Variants in FMN1 observed in about 807,000 individuals in gnomAD.
The protein encoded by FMN1 is formin-1.
Under a neutral mutation model 132.4 loss-of-function variants are expected in FMN1, and 110 were observed. The observed-to-expected ratio is 0.83, with a 90% CI of 0.71 to 0.97. The LOEUF (loss-of-function observed/expected upper bound fraction) is 0.97, where lower values mean the gene tolerates loss of function less well. Among genes scored for constraint, FMN1 ranks in the 50% least tolerant of loss-of-function variants. FMN1 has a pLI of 0.00. For missense variants in FMN1, 1,792 were observed against 1,705.3 expected, an observed-to-expected ratio of 1.05 and a Z score of -0.90; for synonymous variants, 722 against 651.7, an observed-to-expected ratio of 1.11 and a Z score of -1.64.
chr15:33,155,673 A>AT (rs1233713552), intron 3 of FMN1, among the ~76,000 whole-genome samples: 1 of 152,090 alleles, frequency 6.6e-6, no homozygotes, highest in African/African-American at 2.4e-5. Flanking sequence ...TTTTTTATTT[A>AT]TTTTTTGTTG....
At chr15:33,067,538 A>C (rs868335081) in intron 5 of FMN1, 1 of 1,613,926 alleles carries the variant, frequency 6.2e-7, no homozygotes, top group African/African-American at 1.3e-5. Context: ...TTGAGCAAGG[A>C]GAGATGTCCC....
rs918548823 is a variant in FMN1, at chr15:32,879,391, G to A, written c.3835+8781C>T. ...GACAAATGGGCTGTGAAGGAGGAAA[G>A]AGCTAATAAATTAGACATGGTCAAT... On this transcript the variant is annotated intron_variant, in intron 16 of 20. Transcript: ENST00000616417. 2.6e-5 allele frequency among the ~76,000 whole-genome samples: 4 copies of A among 152,286 alleles called. No homozygotes were observed. In the South Asian group the frequency reaches 8.3e-4, roughly 32 times the overall value.
intron 17 of FMN1, among the ~76,000 whole-genome samples, chr15:32,807,735 G>T (rs1395550680): frequency 1.3e-5 from 2 of 152,176 alleles, no homozygotes; most frequent in Non-Finnish European, 2.9e-5. Flanking sequence ...GAGTCTAAAT[G>T]TAAAAAGAGG....
intron 4 of FMN1, among the ~76,000 whole-genome samples, chr15:33,114,730 TCAC>T (rs201761816): frequency 0.016 from 2,405 of 152,212 alleles, 36 homozygotes; most frequent in Non-Finnish European, 0.025. Flanking sequence ...ATATTTCTCA[TCAC>T]CTGACAGGTA....
chr15:32,888,067 C>G (rs2059936441), intron 16 of FMN1, 105 bp downstream of exon 16: 7 of 970,792 alleles, frequency 7.2e-6, no homozygotes, highest in Non-Finnish European at 8.8e-6. Context: ...CATTGCTGAA[C>G]TCTGCACCAA....
chr15:32,933,829 C>G lies in FMN1; in HGVS notation c.3139-7568G>C, dbSNP rs529317193. 1.2e-3 allele frequency among the ~76,000 whole-genome samples: 178 copies of G among 152,166 alleles called. 1 individual carries two copies. Among genetic ancestry groups the G allele is most frequent in the African/African-American group, 4.1e-3 (170 of 41,498 alleles). Reference sequence around the variant, plus strand: ...AGTTGTTGGTTTTTTTAAATTAACTCTTGGAATATCTTTTTCCATCCCTTT... The same window carrying G: ...AGTTGTTGGTTTTTTTAAATTAACTGTTGGAATATCTTTTTCCATCCCTTT... On this transcript the variant is annotated intron_variant, in intron 9 of 20. Coordinates refer to ENST00000616417, the MANE Select transcript of FMN1 (RefSeq NM_001277313.2).
intron 17 of FMN1, among the ~76,000 whole-genome samples, chr15:32,852,560 T>C (rs2059032165): frequency 6.6e-6 from 1 of 152,132 alleles, no homozygotes. Context: ...AGAGATGGGG[T>C]CTCACTTTGT....
chr15:33,066,646 G>T (rs751585877), intron 5 of FMN1: 3 of 1,613,724 alleles, frequency 1.9e-6, no homozygotes, highest in Non-Finnish European at 1.7e-6. Context: ...TCCCCTTTCT[G>T]GGGGGCCGGA....
chr15:32,975,041 A>G (rs2032092651), intron 7 of FMN1, among the ~76,000 whole-genome samples: 1 of 152,178 alleles, frequency 6.6e-6, no homozygotes, highest in African/African-American at 2.4e-5. Flanking sequence ...ACCAACACTC[A>G]TATCTTCACT....
At chr15:32,830,616 A>C (rs536837806) in intron 17 of FMN1, among the ~76,000 whole-genome samples, 1 of 152,350 alleles carries the variant, frequency 6.6e-6, no homozygotes, top group African/African-American at 2.4e-5. Flanking sequence ...TGTGAAATAG[A>C]CATCTTCCCT....
intron 5 of FMN1, among the ~76,000 whole-genome samples, chr15:33,080,115 C>T (rs1373718276): frequency 6.6e-6 from 1 of 152,198 alleles, no homozygotes; most frequent in African/African-American, 2.4e-5. Flanking sequence ...GTCACATTGT[C>T]ACGAATATCC....
At chr15:32,812,585 G>A (rs2057919111) in intron 17 of FMN1, among the ~76,000 whole-genome samples, 1 of 152,182 alleles carries the variant, frequency 6.6e-6, no homozygotes. Context: ...GGCCGAGACC[G>A]TCACATAAAG....
intron 17 of FMN1, among the ~76,000 whole-genome samples, chr15:32,815,899 T>C (rs1254828676): frequency 6.6e-6 from 1 of 152,208 alleles, no homozygotes; most frequent in African/African-American, 2.4e-5. Context: ...TCCATTACTT[T>C]CTAACTATTG....
intron 4 of FMN1, among the ~76,000 whole-genome samples, chr15:33,101,888 C>T (rs2039307436): frequency 6.6e-6 from 1 of 152,126 alleles, no homozygotes; most frequent in Non-Finnish European, 1.5e-5. Context: ...GGTATCCCGG[C>T]TTCCAGCTGT....
intron 4 of FMN1, among the ~76,000 whole-genome samples, chr15:33,129,774 G>A (rs905813952): frequency 6.7e-6 from 1 of 149,070 alleles, no homozygotes; most frequent in Admixed American, 6.7e-5. Context: ...GACCAGAAAA[G>A]AGTTGACTAG....
At chr15:32,933,454 G>A (rs544041514) in intron 9 of FMN1, among the ~76,000 whole-genome samples, 3 of 151,816 alleles carry the variant, frequency 2.0e-5, no homozygotes, top group African/African-American at 7.3e-5. Context: ...CCCAATTCCT[G>A]TTGGGTGGAA....
intron 16 of FMN1, among the ~76,000 whole-genome samples, chr15:32,865,102 A>G (rs1372954886): frequency 6.6e-6 from 1 of 152,170 alleles, no homozygotes; most frequent in Non-Finnish European, 1.5e-5. Context: ...ACTAGGAGAG[A>G]AAGAGGGAGA....
chr15:32,902,238 T>C (rs1024065142), intron 12 of FMN1, among the ~76,000 whole-genome samples, 198 bp from the exon 13 acceptor site: 10 of 152,140 alleles, frequency 6.6e-5, no homozygotes, highest in African/African-American at 2.4e-4. Context: ...TTAAAGGAGT[T>C]CTAGCATGAT....
chr15:32,805,571 T>C lies in FMN1; in HGVS notation c.3929-1239A>G, dbSNP rs185616282. ...TTTTGGTGTTTTAGTCATGAAGTCT[T>C]GATAACAGACATAGCTAATAGTGGC... On this transcript the variant is annotated intron_variant, in intron 17 of 20. Coordinates refer to ENST00000616417, the MANE Select transcript of FMN1 (RefSeq NM_001277313.2). 3.7e-4 allele frequency among the ~76,000 whole-genome samples: 56 copies of C among 152,330 alleles called. 2 individuals are homozygous for C. Among genetic ancestry groups the C allele is most frequent in the Non-Finnish European group, 1.3e-4 (9 of 68,030 alleles).
Sources: gnomAD v4.1 joint callset for allele counts (sites outside exome capture counted in the v4.1 genomes callset) on GRCh38, gnomAD v4.1.1 for gene constraint, MANE v1.5 for transcripts, NCBI Gene and HGNC (gene_info 2026-07-23, HGNC 2026-07-21) for gene names.